The following DNAJA3 variants were observed in gnomAD, a reference collection of about 807,000 sequenced individuals.
DNAJA3 encodes the protein dnaJ homolog subfamily A member 3, mitochondrial.
DNAJA3 carries 29 observed loss-of-function variants against 54.9 expected under a neutral mutation model. The observed-to-expected ratio is 0.53, with a 90% CI of 0.39 to 0.72. DNAJA3 has a LOEUF of 0.72. Ranked by LOEUF, DNAJA3 falls within the 30% of genes least tolerant of loss-of-function variation. The pLI is 0.00. For synonymous variants in DNAJA3, 302 were observed against 251.4 expected, an observed-to-expected ratio of 1.20 and a Z score of -1.90; for missense variants, 708 against 639.4, an observed-to-expected ratio of 1.11 and a Z score of -1.16.
chr16:4,426,857 C>A (rs551083040), intron 1 of DNAJA3: 1 of 152,098 alleles, frequency 6.6e-6, no homozygotes, highest in Non-Finnish European at 1.5e-5. Flanking sequence ...ATATCATTGC[C>A]TGAGATGACA....
intron 11 of DNAJA3, 95 bp downstream of exon 11, chr16:4,455,022 C>T (rs1434289556): frequency 5.8e-6 from 5 of 862,206 alleles, no homozygotes; most frequent in African/African-American, 3.4e-5. Context: ...CCCCCACCCC[C>T]AGGAGTTGGA....
chr16:4,439,725 G>A (rs1252962982), intron 3 of DNAJA3, among the ~76,000 whole-genome samples: 1 of 152,042 alleles, frequency 6.6e-6, no homozygotes, highest in Non-Finnish European at 1.5e-5. Context: ...GGAAGGGCTG[G>A]AACCAGGAGA....
intron 3 of DNAJA3, among the ~76,000 whole-genome samples, chr16:4,439,434 G>T (rs1299458941): frequency 1.3e-5 from 2 of 151,812 alleles, no homozygotes; most frequent in Admixed American, 6.6e-5. Context: ...GCTCACTGCA[G>T]TCTCAAACTC....
At chr16:4,438,178 A>G (rs1212572056) in intron 3 of DNAJA3, among the ~76,000 whole-genome samples, 1 of 152,086 alleles carries the variant, frequency 6.6e-6, no homozygotes, top group Non-Finnish European at 1.5e-5. Context: ...TTAGCCGGGC[A>G]TGGCGGCATG....
chr16:4,447,271 C>T (rs1201895851), intron 8 of DNAJA3: 30 of 466,210 alleles, frequency 6.4e-5, no homozygotes, highest in African/African-American at 9.9e-5. Flanking sequence ...GGGAACTGGG[C>T]GCATTCAGGA....
chr16:4,434,040 C>T lies in DNAJA3; in HGVS notation c.212-344C>T, dbSNP rs527659518. 177 of 280,844 alleles carry T rather than the reference C, an allele frequency of 6.3e-4. 1 individual carries two copies. The highest frequency in any genetic ancestry group is 1.0e-3 in the Non-Finnish European group (153 of 147,260). The allele number at this position is 280,844 out of a possible 1,614,324, so 17.4% of individuals were successfully genotyped here. ...GCACGGCTGGGGAGGCCTCAGCGATCGTGGCGGAAGGGGAAGCAAACACAT... is the reference window on the plus strand; with the variant it reads ...GCACGGCTGGGGAGGCCTCAGCGATTGTGGCGGAAGGGGAAGCAAACACAT... On this transcript the variant is annotated intron_variant, in intron 1 of 11. Coordinates refer to ENST00000262375, the MANE Select transcript of DNAJA3 (RefSeq NM_005147.6).
chr16:4,435,766 T>C (rs145456515), intron 2 of DNAJA3, among the ~76,000 whole-genome samples: 37 of 152,372 alleles, frequency 2.4e-4, no homozygotes, highest in Admixed American at 7.2e-4. Flanking sequence ...TTTGCTATCA[T>C]GAACAGTGCT....
chr16:4,427,923 G>C (rs1369415900), intron 1 of DNAJA3, among the ~76,000 whole-genome samples: 2 of 152,064 alleles, frequency 1.3e-5, no homozygotes, highest in African/African-American at 4.8e-5. Context: ...GGGGTTACAG[G>C]CATCAGCCAC....
At chr16:4,436,617 CCT>C (rs2056775503) in intron 2 of DNAJA3, among the ~76,000 whole-genome samples, 1 of 152,068 alleles carries the variant, frequency 6.6e-6, no homozygotes, top group Non-Finnish European at 1.5e-5. Context: ...CTCACTGCAA[CCT>C]CTGTCTCCTG....
At chr16:4,441,229 A>G (rs2141381581) in intron 3 of DNAJA3, 146 bp from the exon 4 acceptor site, 2 of 693,818 alleles carry the variant, frequency 2.9e-6, no homozygotes, top group South Asian at 3.9e-5. Context: ...GGTGCTAGTC[A>G]CAGGCCCACC....
At chr16:4,438,395 G>A (rs1173643385) in intron 3 of DNAJA3, among the ~76,000 whole-genome samples, 1 of 151,750 alleles carries the variant, frequency 6.6e-6, no homozygotes, top group Non-Finnish European at 1.5e-5. Context: ...AGCTGGATTT[G>A]GGAATTCACA....
At position 4,450,511 on chromosome 16, in the gene DNAJA3, A is replaced by G. The variant is rs745555457; in HGVS notation, c.1339+14A>G. The G allele has an allele frequency of 1.3e-6, 2 of 1,594,356 alleles. No homozygotes were observed. The highest frequency in any genetic ancestry group is 2.3e-5 in the South Asian group (2 of 87,978). ...TCACCAGCTCTGGTAAGGAGTCTGA[A>G]GACTACATGGTGACACGTGGGGGCC... On this transcript the variant is annotated intron_variant, in intron 10 of 11. Transcript: ENST00000262375.
intron 6 of DNAJA3, 111 bp downstream of exon 6, chr16:4,443,275 A>G: frequency 7.3e-7 from 1 of 1,363,216 alleles, no homozygotes; most frequent in South Asian, 1.5e-5. Context: ...ACTGAGTGTG[A>G]GTGGGCTCTT....
chr16:4,451,052 G>T (rs1375801948), intron 10 of DNAJA3, among the ~76,000 whole-genome samples: 1 of 152,148 alleles, frequency 6.6e-6, no homozygotes, highest in East Asian at 1.9e-4. Context: ...CTCAGACATC[G>T]TGCTAGCGAG....
At position 4,433,670 on chromosome 16, in the gene DNAJA3, A is replaced by G. The variant is rs542573812; in HGVS notation, c.212-714A>G. Among the ~76,000 whole-genome samples the G allele has an allele frequency of 5.9e-5, 9 of 151,450 alleles. No homozygotes were observed. The South Asian group carries it at 1.9e-3, about 31-fold the overall frequency. ...TTGTTAAGCATTAAATGTGACAGAAAAATATGAAAATATGAAAATACCTAG... is the reference window on the plus strand; with the variant it reads ...TTGTTAAGCATTAAATGTGACAGAAGAATATGAAAATATGAAAATACCTAG... On this transcript the variant is annotated intron_variant, in intron 1 of 11. Transcript: ENST00000262375.
chr16:4,454,870 G>C lies in DNAJA3; in HGVS notation c.1399G>C (p.Glu467Gln). ...GGCTAGGCGTGAGGCTGGGGAGGAC[G>C]AGGAGGGATTCCTTTCCAAACTTAA... ...SKARREAGED[E>Q]EGFLSKLKKM... Residue 467 changes from glutamate (E) to glutamine (Q), a missense_variant, in exon 11 of 12, where the codon GAG becomes CAG. Transcript: ENST00000262375. The C allele has an allele frequency of 6.8e-6, 11 of 1,614,128 alleles. No homozygotes were observed. The highest frequency in any genetic ancestry group is 9.3e-6 in the Non-Finnish European group (11 of 1,179,990).
At chr16:4,436,316 G>A (rs1310404080) in intron 2 of DNAJA3, among the ~76,000 whole-genome samples, 1 of 152,192 alleles carries the variant, frequency 6.6e-6, no homozygotes, top group Non-Finnish European at 1.5e-5. Context: ...TTGAAAAGAT[G>A]GAGGCTGGGT....
chr16:4,437,312 T>C, intron 2 of DNAJA3, 90 bp from the exon 3 acceptor site: 2 of 1,084,520 alleles, frequency 1.8e-6, no homozygotes, highest in Non-Finnish European at 2.8e-6. Flanking sequence ...ATGACTGGTA[T>C]TTGGGGTTCT....
chr16:4,438,640 T>C (rs1006639460), intron 3 of DNAJA3, among the ~76,000 whole-genome samples: 14 of 147,636 alleles, frequency 9.5e-5, no homozygotes, highest in African/African-American at 2.0e-4. Flanking sequence ...CTTTTCTTTT[T>C]TTTTTTTTTT....
Sources: gnomAD v4.1 joint callset for allele counts (sites outside exome capture counted in the v4.1 genomes callset) on GRCh38, gnomAD v4.1.1 for gene constraint, MANE v1.5 for transcripts, NCBI Gene and HGNC (gene_info 2026-07-23, HGNC 2026-07-21) for gene names.